DDR2: variants seen among roughly 807,000 people sequenced by gnomAD.
The protein encoded by DDR2 is discoidin domain-containing receptor 2.
Under a neutral mutation model 94.9 loss-of-function variants are expected in DDR2, and 27 were observed. The observed-to-expected ratio is 0.28, with a 90% CI of 0.21 to 0.39. The LOEUF (loss-of-function observed/expected upper bound fraction) is 0.39. Ranked by LOEUF, DDR2 falls within the 10% of genes least tolerant of loss-of-function variation. DDR2 has a pLI of 1.00. For synonymous variants in DDR2, 382 were observed against 377.2 expected, an observed-to-expected ratio of 1.01 and a Z score of -0.15; for missense variants, 783 against 1,076.0, an observed-to-expected ratio of 0.73 and a Z score of 3.81.
At chr1:162,769,937 A>T (rs1011474267) in intron 11 of DDR2, among the ~76,000 whole-genome samples, 3 of 152,232 alleles carry the variant, frequency 2.0e-5, no homozygotes, top group African/African-American at 7.2e-5. Context: ...CCAAGTAGTT[A>T]AAGGGTAAGC....
intron 2 of DDR2, among the ~76,000 whole-genome samples, chr1:162,656,420 T>G (rs114641967): frequency 2.0e-5 from 3 of 152,346 alleles, no homozygotes; most frequent in Non-Finnish European, 4.4e-5. Flanking sequence ...AAGATGCTTT[T>G]TGGATTATCT....
chr1:162,666,300 G>C (rs1272845807), intron 2 of DDR2, among the ~76,000 whole-genome samples: 1 of 152,230 alleles, frequency 6.6e-6, no homozygotes, highest in Non-Finnish European at 1.5e-5. Flanking sequence ...AGGGCAGAAA[G>C]CTTGCCTTGT....
chr1:162,754,129 C>T (rs933625665), intron 4 of DDR2, among the ~76,000 whole-genome samples: 2 of 152,158 alleles, frequency 1.3e-5, no homozygotes, highest in African/African-American at 4.8e-5. Context: ...GCTCTTCCCC[C>T]TCATCCTCCC....
At chr1:162,650,662 C>T (rs1657642471) in intron 1 of DDR2, among the ~76,000 whole-genome samples, 1 of 152,214 alleles carries the variant, frequency 6.6e-6, no homozygotes, top group Non-Finnish European at 1.5e-5. Context: ...GACTCCCAGG[C>T]TTTTCGACTC....
chr1:162,784,925 G>A lies in DDR2; in HGVS notation c.*4679G>A, dbSNP rs1197783517. 2.0e-5 allele frequency: 3 copies of A among 152,108 alleles called. No individual in the cohort carries two copies. The highest frequency in any genetic ancestry group is 4.4e-5 in the Non-Finnish European group (3 of 68,010). The allele number at this position is 152,108 out of a possible 1,614,324, so 9.4% of individuals were successfully genotyped here. ...TTCCACACATATTCATTTAGTTGCT[G>A]GATACTTTTAATTCTTGCTGATTTG... On this transcript the variant is annotated 3_prime_UTR_variant, in exon 18 of 18. Coordinates refer to ENST00000367921, the MANE Select transcript of DDR2 (RefSeq NM_006182.4).
intron 15 of DDR2, 61 bp downstream of exon 15, chr1:162,775,904 A>T: frequency 6.2e-7 from 1 of 1,600,190 alleles, no homozygotes; most frequent in Non-Finnish European, 8.5e-7. Context: ...GGGATCTGAA[A>T]ATAGGGAGCA....
At chr1:162,697,174 T>C (rs1043023150) in intron 2 of DDR2, among the ~76,000 whole-genome samples, 12 of 152,254 alleles carry the variant, frequency 7.9e-5, no homozygotes, top group African/African-American at 2.9e-4. Flanking sequence ...TTGAACTTCA[T>C]AGAATTAATG....
rs377136834 is a variant in DDR2, at chr1:162,739,340, A to C, written c.83-13755A>C. ...TCTCGTTTCTTTTTTTTTGAGATGGAGTCTCTCTCTGTCGCCCAGGCTGGA... is the reference window on the plus strand; with the variant it reads ...TCTCGTTTCTTTTTTTTTGAGATGGCGTCTCTCTCTGTCGCCCAGGCTGGA... On this transcript the variant is annotated intron_variant, in intron 3 of 17. Coordinates refer to ENST00000367921, the MANE Select transcript of DDR2 (RefSeq NM_006182.4). 5.1e-3 allele frequency among the ~76,000 whole-genome samples: 773 copies of C among 152,248 alleles called. 2 individuals carry two copies. Among genetic ancestry groups the C allele is most frequent in the African/African-American group, 0.018 (733 of 41,542 alleles).
chr1:162,719,227 G>T lies in DDR2; in HGVS notation c.82+82G>T, dbSNP rs184555552. 3.4e-3 allele frequency: 5,394 copies of T among 1,606,244 alleles called. 13 individuals carry two copies. The highest frequency in any genetic ancestry group is 5.6e-3 in the Middle Eastern group (33 of 5,918). On this transcript the variant is annotated intron_variant, in intron 3 of 17. Transcript: ENST00000367921. ...TCAATGTTCAATGGTGGGTCTAAAA[G>T]CTGCCAAGAGGGACTACAAAGCTCT...
intron 2 of DDR2, among the ~76,000 whole-genome samples, chr1:162,657,339 G>A (rs751187625): frequency 3.9e-5 from 6 of 152,016 alleles, no homozygotes; most frequent in Non-Finnish European, 8.8e-5. Flanking sequence ...TCTCTTTCTG[G>A]GAACGATCAG....
chr1:162,733,626 T>C (rs532396734), intron 3 of DDR2, among the ~76,000 whole-genome samples: 5 of 152,362 alleles, frequency 3.3e-5, no homozygotes, highest in Admixed American at 3.3e-4. Context: ...CTAACTTTCG[T>C]TGTCTGGAGA....
intron 3 of DDR2, among the ~76,000 whole-genome samples, chr1:162,743,480 G>A (rs1220738580): frequency 6.6e-6 from 1 of 152,056 alleles, no homozygotes; most frequent in Non-Finnish European, 1.5e-5. Context: ...GAGAAGTCTC[G>A]CCTTTCTCCC....
chr1:162,647,425 G>A (rs891985573), intron 1 of DDR2, among the ~76,000 whole-genome samples: 1 of 152,162 alleles, frequency 6.6e-6, no homozygotes, highest in Non-Finnish European at 1.5e-5. Context: ...CCCCAAGAGA[G>A]GGTTCTTAGA....
At chr1:162,719,251 CT>C (rs1182218763) in intron 3 of DDR2, 106 bp downstream of exon 3, 1 of 1,574,104 alleles carries the variant, frequency 6.4e-7, no homozygotes, top group Non-Finnish European at 8.6e-7. Context: ...CTACAAAGCT[CT>C]TTCTTTTTAA....
At chr1:162,761,180 C>T (rs765289695) in intron 8 of DDR2, 31 bp from the exon 9 acceptor site, 1 of 1,613,560 alleles carries the variant, frequency 6.2e-7, no homozygotes, top group Non-Finnish European at 8.5e-7. Flanking sequence ...GCAGGGCCAA[C>T]CTATCACTCA....
At chr1:162,743,171 A>C (rs1006275087) in intron 3 of DDR2, among the ~76,000 whole-genome samples, 35 of 152,052 alleles carry the variant, frequency 2.3e-4, no homozygotes, top group African/African-American at 8.2e-4. Context: ...CTTGGCCTAA[A>C]GCTATCTTTC....
intron 2 of DDR2, among the ~76,000 whole-genome samples, chr1:162,703,953 T>A (rs1481286076): frequency 6.6e-6 from 1 of 152,182 alleles, no homozygotes; most frequent in East Asian, 1.9e-4. Flanking sequence ...AGGAGACAGA[T>A]CTGCACATTC....
At chr1:162,752,181 G>T (rs548648288) in intron 3 of DDR2, among the ~76,000 whole-genome samples, 15 of 151,372 alleles carry the variant, frequency 9.9e-5, no homozygotes, top group African/African-American at 3.6e-4. Flanking sequence ...AACTTTTGTT[G>T]CTTATCCGAA....
chr1:162,661,270 A>T (rs931699315), intron 2 of DDR2, among the ~76,000 whole-genome samples: 1 of 152,234 alleles, frequency 6.6e-6, no homozygotes, highest in African/African-American at 2.4e-5. Context: ...ATTGTTCAAC[A>T]TAAGTCTGAC....
Sources: gnomAD v4.1 joint callset for allele counts (sites outside exome capture counted in the v4.1 genomes callset) on GRCh38, gnomAD v4.1.1 for gene constraint, MANE v1.5 for transcripts, NCBI Gene and HGNC (gene_info 2026-07-23, HGNC 2026-07-21) for gene names.